The following GALNTL6 variants were observed in gnomAD, a reference collection of about 807,000 sequenced individuals.
The protein encoded by GALNTL6 is polypeptide N-acetylgalactosaminyltransferase like 6.
In GALNTL6, 46 loss-of-function variants were observed where a neutral mutation model predicts 73.7. That is an observed-to-expected ratio of 0.62 (90% CI 0.49 to 0.80). The LOEUF (loss-of-function observed/expected upper bound fraction) is 0.80. Among genes scored for constraint, GALNTL6 ranks in the 30% least tolerant of loss-of-function variants. The pLI is 0.00. For synonymous variants in GALNTL6, 259 were observed against 263.7 expected (o/e 0.98, Z 0.17); for missense variants, 604 against 755.0 (o/e 0.80, Z 2.34).
chr4:172,925,182 T>G (rs1459005285), intron 8 of GALNTL6, among the ~76,000 whole-genome samples: 1 of 151,802 alleles, frequency 6.6e-6, no homozygotes, highest in Non-Finnish European at 1.5e-5. Flanking sequence ...TATGTTTTTT[T>G]TTTTTTTTAA....
intron 5 of GALNTL6, among the ~76,000 whole-genome samples, chr4:172,407,830 T>C (rs1390899425): frequency 2.0e-5 from 3 of 152,100 alleles, no homozygotes; most frequent in Non-Finnish European, 4.4e-5. Flanking sequence ...GCTAATTCCA[T>C]ACAATACCTA....
At chr4:172,361,070 A>G (rs1373541306) in intron 5 of GALNTL6, among the ~76,000 whole-genome samples, 1 of 152,208 alleles carries the variant, frequency 6.6e-6, no homozygotes, top group Non-Finnish European at 1.5e-5. Context: ...AATTGTGTGA[A>G]AAAGGGTACA....
intron 11 of GALNTL6, among the ~76,000 whole-genome samples, chr4:173,017,675 G>T (rs1050010568): frequency 2.0e-5 from 3 of 152,108 alleles, no homozygotes; most frequent in African/African-American, 7.2e-5. Context: ...GTAATCAACA[G>T]GTAATAATAA....
At chr4:172,214,138 A>G (rs1560972876) in intron 2 of GALNTL6, among the ~76,000 whole-genome samples, 3 of 152,078 alleles carry the variant, frequency 2.0e-5, no homozygotes, top group Admixed American at 6.5e-5. Context: ...TGGCATCTAT[A>G]TTCTGTTCTG....
intron 4 of GALNTL6, among the ~76,000 whole-genome samples, chr4:172,340,332 G>T (rs1741517340): frequency 6.6e-6 from 1 of 152,086 alleles, no homozygotes; most frequent in African/African-American, 2.4e-5. Flanking sequence ...TTGCATCCCA[G>T]GGATAAGTCC....
chr4:171,903,509 G>A (rs111737119), intron 2 of GALNTL6, among the ~76,000 whole-genome samples: 5,366 of 151,476 alleles, frequency 0.035, 311 homozygotes, highest in African/African-American at 0.12. Flanking sequence ...ACGGAGTCTC[G>A]CTGATTGCTA....
chr4:172,313,446 A>G (rs998336957), intron 4 of GALNTL6, among the ~76,000 whole-genome samples: 3 of 152,034 alleles, frequency 2.0e-5, no homozygotes, highest in South Asian at 2.1e-4. Flanking sequence ...TCTAATCTCA[A>G]TCTCTTAATG....
chr4:172,510,805 G>A (rs115674302), intron 5 of GALNTL6, among the ~76,000 whole-genome samples: 1,872 of 55,098 alleles, frequency 0.034, 729 homozygotes, highest in African/African-American at 0.079. Flanking sequence ...ACTTGATCAC[G>A]GTGAATTATC....
chr4:172,313,389 C>T (rs538140987), intron 4 of GALNTL6, among the ~76,000 whole-genome samples: 1 of 152,046 alleles, frequency 6.6e-6, no homozygotes, highest in African/African-American at 2.4e-5. Context: ...TCCCAAAGTG[C>T]TGGGATTACA....
chr4:172,956,679 C>T (rs1466403602), intron 10 of GALNTL6, among the ~76,000 whole-genome samples: 1 of 152,108 alleles, frequency 6.6e-6, no homozygotes, highest in Admixed American at 6.5e-5. Context: ...TAAAAAGAAG[C>T]GTCTATACAG....
intron 2 of GALNTL6, among the ~76,000 whole-genome samples, chr4:172,158,524 G>A (rs938964546): frequency 6.6e-6 from 1 of 151,848 alleles, no homozygotes; most frequent in African/African-American, 2.4e-5. Flanking sequence ...AAATATAATA[G>A]TGCTGCCAAT....
In GALNTL6 at chr4:172,545,080, T is replaced by A. The variant is rs184654773; in HGVS notation, c.553+196391T>A. Among the ~76,000 whole-genome samples, 76 of 152,354 alleles carry A rather than the reference T, an allele frequency of 5.0e-4. 1 individual carries two copies. Among genetic ancestry groups the A allele is most frequent in the Admixed American group, 4.5e-3 (69 of 15,302 alleles). ...TGTGACATCTTAAACTTTGCTACTT[T>A]GCTCCTCCAGTGGATAATTTTAAAA... On this transcript the variant is annotated intron_variant, in intron 5 of 12. Coordinates refer to ENST00000506823, the MANE Select transcript of GALNTL6 (RefSeq NM_001034845.3).
At chr4:172,131,262 T>C (rs1185330904) in intron 2 of GALNTL6, among the ~76,000 whole-genome samples, 2 of 151,296 alleles carry the variant, frequency 1.3e-5, no homozygotes, top group Non-Finnish European at 3.0e-5. Flanking sequence ...TCTTCCTTTT[T>C]GTAAATAATT....
chr4:172,166,872 T>C lies in GALNTL6; in HGVS notation c.139-62784T>C, dbSNP rs115613602. On this transcript the variant is annotated intron_variant, in intron 2 of 12. Coordinates refer to ENST00000506823, the MANE Select transcript of GALNTL6 (RefSeq NM_001034845.3). ...TATGCAATTCATGCCTCTATCATGGTTTGTTAGATGTTTGATTGTAGTACA... is the reference window on the plus strand; with the variant it reads ...TATGCAATTCATGCCTCTATCATGGCTTGTTAGATGTTTGATTGTAGTACA... Among the ~76,000 whole-genome samples, 587 of 152,228 alleles carry C rather than the reference T, an allele frequency of 3.9e-3. 3 individuals are homozygous for C. The highest frequency in any genetic ancestry group is 0.013 in the African/African-American group (548 of 41,518).
chr4:172,718,188 C>A (rs974154744), intron 5 of GALNTL6, among the ~76,000 whole-genome samples: 4 of 152,158 alleles, frequency 2.6e-5, no homozygotes, highest in Admixed American at 2.0e-4. Flanking sequence ...TCAGAAGAAT[C>A]TACTTCATCG....
At chr4:172,023,140 C>T (rs1246526192) in intron 2 of GALNTL6, among the ~76,000 whole-genome samples, 1 of 151,866 alleles carries the variant, frequency 6.6e-6, no homozygotes, top group Non-Finnish European at 1.5e-5. Flanking sequence ...TCTTGCTTAG[C>T]TCTGAGTGGC....
At chr4:172,634,413 G>A (rs1739555211) in intron 5 of GALNTL6, among the ~76,000 whole-genome samples, 1 of 151,968 alleles carries the variant, frequency 6.6e-6, no homozygotes, top group Admixed American at 6.6e-5. Context: ...ACATGTGGTT[G>A]CACTGTCCCC....
intron 5 of GALNTL6, among the ~76,000 whole-genome samples, chr4:172,590,966 A>C (rs1288930300): frequency 6.6e-6 from 1 of 152,166 alleles, no homozygotes; most frequent in Non-Finnish European, 1.5e-5. Flanking sequence ...AGGATATTCA[A>C]ATTAGCAAAG....
chr4:171,982,560 A>G (rs1739936913), intron 2 of GALNTL6, among the ~76,000 whole-genome samples: 1 of 152,002 alleles, frequency 6.6e-6, no homozygotes, highest in South Asian at 2.1e-4. Flanking sequence ...AGCCTCCCAA[A>G]GTGCTGGGAT....
Sources: allele counts gnomAD v4.1 joint callset (sites outside exome capture counted in the v4.1 genomes callset), GRCh38; gene constraint gnomAD v4.1.1; transcripts MANE v1.5; gene names NCBI Gene and HGNC (gene_info 2026-07-23, HGNC 2026-07-21).